CTSC: variants seen among roughly 807,000 people sequenced by gnomAD.
CTSC encodes the protein dipeptidyl peptidase 1.
A neutral mutation model predicts 40.9 loss-of-function variants in CTSC; 37 were observed. The ratio of observed to expected loss-of-function variants is 0.91; its 90% CI spans 0.70 to 1.19. The LOEUF is 1.19. Ranked by LOEUF, CTSC falls within the 50% of genes most tolerant of loss-of-function variation. The pLI is 0.00. For synonymous variants in CTSC, 232 were observed against 207.4 expected, an observed-to-expected ratio of 1.12 and a Z score of -1.02; for missense variants, 594 against 567.3, an observed-to-expected ratio of 1.05 and a Z score of -0.48.
intron 4 of CTSC, among the ~76,000 whole-genome samples, chr11:88,304,539 G>C (rs1248079791): frequency 2.0e-5 from 3 of 152,206 alleles, no homozygotes; most frequent in African/African-American, 7.2e-5. Flanking sequence ...AAAGGTGTTT[G>C]ACCCAGAGCA....
intron 2 of CTSC, chr11:88,321,197 A>G (rs930832502): frequency 4.7e-6 from 1 of 212,624 alleles, no homozygotes; most frequent in Non-Finnish European, 8.1e-6. Context: ...GGTTTCTTAC[A>G]TAGATAAACA....
At chr11:88,295,982 A>G in intron 6 of CTSC, 151 bp downstream of exon 6, 1 of 813,946 alleles carries the variant, frequency 1.2e-6, no homozygotes, top group Non-Finnish European at 2.2e-6. Context: ...GCAATCATCC[A>G]TTAATAAGTG....
At chr11:88,308,421 G>C (rs1591227385) in intron 4 of CTSC, among the ~76,000 whole-genome samples, 2 of 151,708 alleles carry the variant, frequency 1.3e-5, no homozygotes, top group Admixed American at 1.3e-4. Flanking sequence ...TAGAATCTAA[G>C]ACTGGCTTTT....
chr11:88,308,316 G>C (rs1937679905), intron 4 of CTSC, among the ~76,000 whole-genome samples: 1 of 151,810 alleles, frequency 6.6e-6, no homozygotes, highest in Non-Finnish European at 1.5e-5. Context: ...CCTGAGTCCA[G>C]CTAAGGCGCA....
chr11:88,329,022 A>T (rs1004314195), intron 2 of CTSC, among the ~76,000 whole-genome samples: 1 of 152,172 alleles, frequency 6.6e-6, no homozygotes, highest in African/African-American at 2.4e-5. Flanking sequence ...ACTATCACCA[A>T]ATAAAATTTC....
intron 2 of CTSC, among the ~76,000 whole-genome samples, chr11:88,330,568 C>T (rs758604638): frequency 6.6e-6 from 1 of 151,878 alleles, no homozygotes; most frequent in African/African-American, 2.4e-5. Context: ...AGACTGGTCT[C>T]GAACGCCTGA....
At position 88,312,479 on chromosome 11, in the gene CTSC, G is replaced by C; in HGVS notation, c.394C>G (p.Arg132Gly). The C allele has an allele frequency of 1.2e-6, 2 of 1,614,074 alleles. No individual in the cohort carries two copies. The highest frequency in any genetic ancestry group is 1.7e-5 in the Admixed American group (1 of 59,990). The stretch of plus-strand genomic sequence containing the variant: ...TTTCCGGTGAAACAAGCCCAGTTCC[G>C]GCCCAACACATCATGCACCCACCCA... ...MTGWVHDVLG[R>G]NWACFTGKKV... is the part of the protein sequence containing the mutation. Residue 132 changes from arginine (R) to glycine (G), a missense_variant, in exon 3 of 7, where the codon CGG (arginine) becomes GGG (glycine). Transcript: ENST00000227266.
In CTSC at chr11:88,294,198, A is replaced by G. The variant is rs1944272897; in HGVS notation, c.1200T>C (p.Phe400=). ...HTGLRDPFNP[F]ELTNHAVLLV... The stretch of plus-strand genomic sequence containing the variant: ...GCAGAACAGCATGATTAGTCAGCTC[A>G]AAGGGGTTGAAAGGGTCTCTTAGAC... Residue 400 remains phenylalanine, a synonymous_variant, in exon 7 of 7, where the codon TTT becomes TTC. Transcript: ENST00000227266. The G allele has an allele frequency of 6.2e-7, 1 of 1,613,958 alleles. No individual in the cohort carries two copies. The highest frequency in any genetic ancestry group is 8.5e-7 in the Non-Finnish European group (1 of 1,179,994).
At chr11:88,304,661 T>C (rs1208649585) in intron 4 of CTSC, among the ~76,000 whole-genome samples, 2 of 152,118 alleles carry the variant, frequency 1.3e-5, no homozygotes, top group Non-Finnish European at 2.9e-5. Flanking sequence ...CAGCACAAGA[T>C]TCAGGTCATA....
chr11:88,312,166 C>T (rs948543415), intron 3 of CTSC, among the ~76,000 whole-genome samples: 1 of 152,126 alleles, frequency 6.6e-6, no homozygotes, highest in Non-Finnish European at 1.5e-5. Flanking sequence ...TACATGATTT[C>T]ATTTAAAGTA....
At chr11:88,298,589 T>A (rs1233881098) in intron 5 of CTSC, 1 of 152,182 alleles carries the variant, frequency 6.6e-6, no homozygotes, top group Non-Finnish European at 1.5e-5. Flanking sequence ...GAAGAGAAAA[T>A]ACTTTTTTCC....
chr11:88,328,014 C>T, intron 2 of CTSC: 4 of 815,074 alleles, frequency 4.9e-6, no homozygotes, highest in Non-Finnish European at 8.7e-6. Flanking sequence ...CTCCAGTCAC[C>T]CTCTGATGAA....
chr11:88,303,263 G>A (rs1944388940), intron 4 of CTSC, among the ~76,000 whole-genome samples: 1 of 152,186 alleles, frequency 6.6e-6, no homozygotes, highest in Non-Finnish European at 1.5e-5. Flanking sequence ...CTAGCTGGGT[G>A]TCCTCCAATC....
intron 2 of CTSC, among the ~76,000 whole-genome samples, chr11:88,315,728 T>C (rs975756266): frequency 6.6e-6 from 1 of 152,056 alleles, no homozygotes; most frequent in Non-Finnish European, 1.5e-5. Context: ...TCCTACCCAA[T>C]GCCATCCTCC....
chr11:88,332,964 T>C (rs914058363), intron 2 of CTSC, among the ~76,000 whole-genome samples: 1 of 152,230 alleles, frequency 6.6e-6, no homozygotes. Flanking sequence ...TAAAAAGTGA[T>C]TTTCTATTGA....
intron 2 of CTSC, among the ~76,000 whole-genome samples, chr11:88,313,108 T>C (rs217088): frequency 0.88 from 133,105 of 152,098 alleles, 58,410 homozygotes; most frequent in East Asian, 1. Context: ...CTTGCTGTGT[T>C]GCCCAGGCTG....
chr11:88,299,441 G>A (rs1944333992), intron 5 of CTSC: 1 of 152,074 alleles, frequency 6.6e-6, no homozygotes, highest in African/African-American at 2.4e-5. Context: ...GAAGAGCCCA[G>A]AATAACTGGT....
At chr11:88,295,981 C>T in intron 6 of CTSC, 152 bp downstream of exon 6, 1 of 798,872 alleles carries the variant, frequency 1.3e-6, no homozygotes, top group Non-Finnish European at 2.2e-6. Context: ...AGCAATCATC[C>T]ATTAATAAGT....
chr11:88,304,772 C>T (rs186726078), intron 4 of CTSC, among the ~76,000 whole-genome samples: 2 of 152,320 alleles, frequency 1.3e-5, no homozygotes, highest in East Asian at 3.9e-4. Context: ...TTCCTCACTG[C>T]TACACTCCCA....
Sources: gnomAD v4.1 joint callset for allele counts (sites outside exome capture counted in the v4.1 genomes callset) on GRCh38, gnomAD v4.1.1 for gene constraint, MANE v1.5 for transcripts, NCBI Gene and HGNC (gene_info 2026-07-23, HGNC 2026-07-21) for gene names.